MORC2: variants seen among roughly 807,000 people sequenced by gnomAD.
MORC2 encodes the protein ATPase MORC2.
Under a neutral mutation model 136.0 loss-of-function variants are expected in MORC2, and 30 were observed. The observed-to-expected ratio is 0.22, with a 90% CI of 0.17 to 0.30. MORC2 has a LOEUF of 0.30. MORC2 is among the 10% of genes least tolerant of loss of function. The probability of loss-of-function intolerance (pLI) is 1.00; values close to 1 mark genes in which losing one functional copy is unlikely to be tolerated. For missense variants in MORC2, 922 were observed against 1,333.1 expected, an observed-to-expected ratio of 0.69 and a Z score of 4.80; for synonymous variants, 439 against 487.0, an observed-to-expected ratio of 0.90 and a Z score of 1.30.
chr22:30,939,980 T>A lies in MORC2; in HGVS notation c.966A>T (p.Gly322=), dbSNP rs16989204. The A allele has an allele frequency of 9.4e-3, 15,245 of 1,613,916 alleles. 1,251 individuals are homozygous for A. The African/African-American group carries it at 0.18, about 19-fold the overall frequency. ...TTACCCTGGAGTCCCGCGTGAGGTC[T>A]CCACCTAGGCGTACTTCTAATGTCC... is the stretch of plus-strand genomic sequence containing the variant. ...KARTLEVRLG[G]DLTRDSRVML... is the part of the protein sequence containing the mutation. Residue 322 remains glycine, a synonymous_variant, in exon 11 of 26, where the codon GGA becomes GGT. Coordinates refer to ENST00000397641, the MANE Select transcript of MORC2 (RefSeq NM_001303256.3).
At chr22:30,956,520 T>C (rs2040970173) in intron 3 of MORC2, among the ~76,000 whole-genome samples, 2 of 152,352 alleles carry the variant, frequency 1.3e-5, no homozygotes, top group Admixed American at 6.5e-5. Flanking sequence ...ACTCTACTAG[T>C]AGCTATTTAC....
chr22:30,940,654 T>C lies in MORC2; in HGVS notation c.904+104A>G, dbSNP rs138868564. 5.4e-4 allele frequency: 522 copies of C among 958,632 alleles called. 3 individuals carry two copies. Among genetic ancestry groups the C allele is most frequent in the Admixed American group, 2.9e-3 (171 of 58,520 alleles). 59.4% of individuals were successfully genotyped at this position (958,632 alleles called of 1,614,324 possible). On this transcript the variant is annotated intron_variant, in intron 10 of 25. Coordinates refer to ENST00000397641, the MANE Select transcript of MORC2 (RefSeq NM_001303256.3). ...ACTATGCTTCAGGAGACCAGCCTTG[T>C]CCCTGAGTTGTGGACTCAGCCTTTT...
rs891303575 is a variant in MORC2, at chr22:30,927,004, A to C, written c.3031-133T>G. On this transcript the variant is annotated intron_variant, in intron 25 of 25. Transcript: ENST00000397641. ...GACCTCCCACCCCGCCCTGGATGTC[A>C]GGCTTCTGTCCTGTCTTAATCACTC... 5.9e-6 allele frequency: 4 copies of C among 672,346 alleles called. No homozygotes were observed. In the Admixed American group the frequency reaches 7.3e-5, roughly 12 times the overall value. 41.6% of individuals were successfully genotyped at this position (672,346 alleles called of 1,614,324 possible).
In MORC2 at chr22:30,934,020, T is replaced by TAG; in HGVS notation, c.2325+38_2325+39dup. 6.2e-7 allele frequency: 1 copy of TAG among 1,611,908 alleles called. No homozygotes were observed. Among genetic ancestry groups the TAG allele is most frequent in the Non-Finnish European group, 8.5e-7 (1 of 1,178,706 alleles). On this transcript the variant is annotated intron_variant, in intron 20 of 25. Coordinates refer to ENST00000397641, the MANE Select transcript of MORC2 (RefSeq NM_001303256.3). The surrounding 1 kb of genome is among the most constrained non-coding windows in gnomAD (Gnocchi z 4.4). ...GACTGCTGGTGGGGGCTGCAGGCCC[T>TAG]AGAGAGAGAGGCTTTGAGAACCTCA... is the stretch of plus-strand genomic sequence containing the variant.
In MORC2 at chr22:30,925,461, GA is replaced by G; in HGVS notation, c.*1341del. 6.2e-6 allele frequency: 1 copy of G among 160,058 alleles called. No individual in the cohort carries two copies. The highest frequency in any genetic ancestry group is 1.4e-5 in the Non-Finnish European group (1 of 71,982). The allele number at this position is 160,058 out of a possible 1,614,324, so 9.9% of individuals were successfully genotyped here. A position where few individuals can be genotyped will look rare whatever the true frequency, so the allele number is the denominator to read the frequency against. On this transcript the variant is annotated 3_prime_UTR_variant, in exon 26 of 26. Transcript: ENST00000397641. ...CCACCAGACAGGCACATCCAGTGGGGAAAAGACTTCCCATTCCAGTGTGGCC... is the reference window on the plus strand; with the variant it reads ...CCACCAGACAGGCACATCCAGTGGGGAAAGACTTCCCATTCCAGTGTGGCC...
intron 21 of MORC2, 78 bp from the exon 22 acceptor site, chr22:30,933,108 C>A: frequency 6.3e-7 from 1 of 1,582,160 alleles, no homozygotes; most frequent in South Asian, 1.1e-5. Flanking sequence ...TCGAGAAAGG[C>A]AGTCCCCAGG....
intron 5 of MORC2, among the ~76,000 whole-genome samples, chr22:30,947,602 A>C (rs1240138211): frequency 6.6e-6 from 1 of 152,132 alleles, no homozygotes; most frequent in Non-Finnish European, 1.5e-5. Context: ...CTCCCAGGAC[A>C]CTATTCAAAG....
Position 30,935,333 on chromosome 22 carries a change from A to T in MORC2, c.1738-11T>A. On this transcript the variant is annotated splice_polypyrimidine_tract_variant and intron_variant, in intron 17 of 25. Coordinates refer to ENST00000397641, the MANE Select transcript of MORC2 (RefSeq NM_001303256.3). ...GATGGGTGTGGTTTTCTGCAAGGCA[A>T]ACATCATGATGAAGTTGTTTGCATA... The T allele has an allele frequency of 6.2e-7, 1 of 1,612,676 alleles. No individual in the cohort carries two copies. The highest frequency in any genetic ancestry group is 8.5e-7 in the Non-Finnish European group (1 of 1,179,166).
At chr22:30,946,794 T>C (rs1168923748) in intron 5 of MORC2, among the ~76,000 whole-genome samples, 1 of 152,148 alleles carries the variant, frequency 6.6e-6, no homozygotes, top group Non-Finnish European at 1.5e-5. Context: ...AGAGTAACCC[T>C]GCTGTCTTTG....
Position 30,926,550 on chromosome 22 carries a change from CAAAAAAAAAAAAAAAAAAA to C in MORC2, c.*234_*252del, listed in dbSNP as rs60514280. 5.8e-3 allele frequency: 149 copies of C among 25,788 alleles called. 1 individual carries two copies. Among genetic ancestry groups the C allele is most frequent in the Admixed American group, 0.014 (17 of 1,252 alleles). 1.6% of individuals were successfully genotyped at this position (25,788 alleles called of 1,614,324 possible). ...AAGGTTCTCTGTCCTTTGCAGTCAC[CAAAAAAAAAAAAAAAAAAA>C]AAAAAAAAAAAAAAAAAGTATGGTC... On this transcript the variant is annotated 3_prime_UTR_variant, in exon 26 of 26. Coordinates refer to ENST00000397641, the MANE Select transcript of MORC2 (RefSeq NM_001303256.3).
Position 30,925,253 on chromosome 22 carries a change from G to C in MORC2, c.*1550C>G. 1 of 301,378 alleles carries C rather than the reference G, an allele frequency of 3.3e-6. No individual in the cohort carries two copies. The highest frequency in any genetic ancestry group is 6.5e-6 in the Non-Finnish European group (1 of 154,758). The allele number at this position is 301,378 out of a possible 1,614,324, so 18.7% of individuals were successfully genotyped here. A position where few individuals can be genotyped will look rare whatever the true frequency, so the allele number is the denominator to read the frequency against. ...ATTTGCATTTGGATTAAAACATTAG[G>C]TTTGGGGACAAAAGTGGACCCCATG... On this transcript the variant is annotated 3_prime_UTR_variant, in exon 26 of 26. Coordinates refer to ENST00000397641, the MANE Select transcript of MORC2 (RefSeq NM_001303256.3).
rs147822674 is a variant in MORC2 at position 30,932,150 on chromosome 22, C to G, written c.2841+209G>C. On this transcript the variant is annotated intron_variant, in intron 24 of 25. Coordinates refer to ENST00000397641, the MANE Select transcript of MORC2 (RefSeq NM_001303256.3). The surrounding 1 kb of genome is among the most constrained non-coding windows in gnomAD (Gnocchi z 4.4). The stretch of plus-strand genomic sequence containing the variant: ...GGGAAGGGGTTGGCTTTCTGCACAC[C>G]AGAGTCATATCCAGCTAAGCCAATT... 51 of 536,738 alleles carry G rather than the reference C, an allele frequency of 9.5e-5. No individual in the cohort carries two copies. Among genetic ancestry groups the G allele is most frequent in the African/African-American group, 8.9e-4 (47 of 52,780 alleles). The allele number at this position is 536,738 out of a possible 1,614,324, so 33.2% of individuals were successfully genotyped here.
intron 17 of MORC2, 100 bp downstream of exon 17, chr22:30,936,411 T>TA: frequency 3.9e-6 from 6 of 1,521,636 alleles, no homozygotes; most frequent in Non-Finnish European, 5.3e-6. Flanking sequence ...GAGTGGAGGG[T>TA]AAAACTGAGC....
At position 30,939,519 on chromosome 22, in the gene MORC2, G is replaced by A; in HGVS notation, c.1073+102C>T. ...GCAGGAGGCATTTGACAAGCATTTG[G>A]CATTAAAACAAAGCAGTCTTGGTGA... On this transcript the variant is annotated intron_variant, in intron 12 of 25. Transcript: ENST00000397641. The A allele has an allele frequency of 6.3e-6, 7 of 1,112,026 alleles. No individual in the cohort carries two copies. In the South Asian group the frequency reaches 9.1e-5, roughly 14 times the overall value. 68.9% of individuals were successfully genotyped at this position (1,112,026 alleles called of 1,614,324 possible).
chr22:30,933,913 CAGACTGCTGGTGGGGGGGGT>C (rs1293570080), intron 20 of MORC2, 127 bp downstream of exon 20: 6 of 933,860 alleles, frequency 6.4e-6, no homozygotes, highest in African/African-American at 5.1e-5. Context: ...AGAGTTGGTG[CAGACTGCTGGTGGGGGGGGT>C]AGACTGCTGG....
rs1280299638 is a variant in MORC2, at chr22:30,935,071, G to A, written c.1903C>T (p.Pro635Ser). 6.2e-7 allele frequency: 1 copy of A among 1,614,010 alleles called. No individual in the cohort carries two copies. Among genetic ancestry groups the A allele is most frequent in the South Asian group, 1.1e-5 (1 of 91,066 alleles). The change falls in exon 19 of 26, where the codon CCT (proline) becomes TCT (serine). Residue 635 changes from proline to serine, a missense_variant. By Grantham distance (74) the Pro-to-Ser change is moderately conservative. Transcript: ENST00000397641. ...APSRPPSLPT[P>S]RPASQPRKAP... ...TTTCGGGGCTGGCTGGCTGGTCTAG[G>A]AGTTGGCAAAGAAGGGGGTCTGCTG... is the stretch of plus-strand genomic sequence containing the variant.
intron 4 of MORC2, 27 bp downstream of exon 4, chr22:30,950,350 C>T: frequency 1.6e-6 from 2 of 1,250,064 alleles, no homozygotes; most frequent in Non-Finnish European, 2.3e-6. Flanking sequence ...CCCCCCCACC[C>T]CCCAAAACAA....
At chr22:30,964,355 C>CA (rs572319731) in intron 1 of MORC2, among the ~76,000 whole-genome samples, 67 of 149,204 alleles carry the variant, frequency 4.5e-4, no homozygotes, top group Non-Finnish European at 6.3e-4. Flanking sequence ...AGACTCCATC[C>CA]AAAAAAAAAC....
intron 4 of MORC2, 125 bp downstream of exon 4, chr22:30,950,252 C>T: frequency 1.0e-6 from 1 of 965,384 alleles, no homozygotes; most frequent in Non-Finnish European, 1.6e-6. Flanking sequence ...ACTTCTTACT[C>T]CCCAGGTGGA....
Sources: gnomAD v4.1 joint callset for allele counts (sites outside exome capture counted in the v4.1 genomes callset) on GRCh38, gnomAD v4.1.1 for gene constraint, Gnocchi (gnomAD v3.1) non-coding constraint, MANE v1.5 for transcripts, NCBI Gene and HGNC (gene_info 2026-07-23, HGNC 2026-07-21) for gene names.